Variants in LUZP2 observed in about 807,000 individuals in gnomAD.
LUZP2 encodes leucine zipper protein 2.
In LUZP2, 52 loss-of-function variants were observed where a neutral mutation model predicts 51.6. The ratio of observed to expected loss-of-function variants is 1.01; its 90% CI spans 0.81 to 1.27. The LOEUF (loss-of-function observed/expected upper bound fraction) is 1.27, where lower values mean the gene tolerates loss of function less well. LUZP2 is among the 50% of genes most tolerant of loss of function. The probability of loss-of-function intolerance (pLI) is 0.00; values close to 1 mark genes in which losing one functional copy is unlikely to be tolerated. For synonymous variants in LUZP2, 154 were observed against 137.3 expected (o/e 1.12, Z -0.85); for missense variants, 436 against 395.4 (o/e 1.10, Z -0.87).
intron 3 of LUZP2, among the ~76,000 whole-genome samples, chr11:24,736,438 T>G (rs1371583251): frequency 1.3e-5 from 2 of 151,906 alleles, no homozygotes; most frequent in Admixed American, 1.3e-4. Context: ...CAGTGCTTGT[T>G]GAAGATTTGA....
At chr11:24,660,510 T>C (rs1855981943) in intron 1 of LUZP2, among the ~76,000 whole-genome samples, 2 of 152,168 alleles carry the variant, frequency 1.3e-5, no homozygotes, top group Admixed American at 6.6e-5. Context: ...AAAATAATGA[T>C]ATAATTTTTC....
chr11:24,767,430 T>G (rs1392705619), intron 5 of LUZP2, among the ~76,000 whole-genome samples: 1 of 152,212 alleles, frequency 6.6e-6, no homozygotes, highest in Non-Finnish European at 1.5e-5. Flanking sequence ...TGGAAGGTTT[T>G]TATGTGACTA....
intron 1 of LUZP2, among the ~76,000 whole-genome samples, chr11:24,540,765 CCAG>C (rs1254360450): frequency 6.6e-6 from 1 of 151,948 alleles, no homozygotes; most frequent in African/African-American, 2.4e-5. Flanking sequence ...TATTCAGCCA[CCAG>C]CAGTATCTTT....
intron 5 of LUZP2, among the ~76,000 whole-genome samples, chr11:24,882,386 C>A (rs1460633309): frequency 1.4e-5 from 2 of 142,372 alleles, no homozygotes; most frequent in Admixed American, 1.3e-4. Context: ...ATCTTCTTCA[C>A]TCAACATCCC....
chr11:25,068,537 T>C (rs1859061386), intron 10 of LUZP2, among the ~76,000 whole-genome samples: 1 of 151,884 alleles, frequency 6.6e-6, no homozygotes, highest in African/African-American at 2.4e-5. Flanking sequence ...AGAGGGATGC[T>C]TATAAAAATC....
intron 1 of LUZP2, among the ~76,000 whole-genome samples, chr11:24,567,014 A>ATT (rs201485027): frequency 2.2e-5 from 3 of 134,586 alleles, no homozygotes; most frequent in Non-Finnish European, 3.2e-5. Context: ...ATATATATAT[A>ATT]TTTTTTTTAG....
chr11:24,585,323 A>G (rs1279860777), intron 1 of LUZP2, among the ~76,000 whole-genome samples: 1 of 152,168 alleles, frequency 6.6e-6, no homozygotes, highest in Admixed American at 6.6e-5. Flanking sequence ...ATGAAACTGT[A>G]TTTGACTGGA....
intron 1 of LUZP2, among the ~76,000 whole-genome samples, chr11:24,643,559 T>G (rs1855373140): frequency 1.3e-5 from 2 of 152,150 alleles, no homozygotes; most frequent in Admixed American, 1.3e-4. Context: ...CTTTAAAACT[T>G]CTTCCTGCTT....
At chr11:25,069,743 A>T (rs1376997423) in intron 10 of LUZP2, among the ~76,000 whole-genome samples, 2 of 151,908 alleles carry the variant, frequency 1.3e-5, no homozygotes, top group East Asian at 3.9e-4. Context: ...GCTGGCAAAC[A>T]ATTATACTTG....
At chr11:24,973,459 T>C (rs1038921695) in intron 7 of LUZP2, among the ~76,000 whole-genome samples, 3 of 151,308 alleles carry the variant, frequency 2.0e-5, no homozygotes, top group Non-Finnish European at 3.0e-5. Context: ...GCTTTGATCT[T>C]GTTATTTCTT....
intron 9 of LUZP2, among the ~76,000 whole-genome samples, chr11:25,031,564 A>T (rs1857687684): frequency 6.6e-6 from 1 of 151,662 alleles, no homozygotes; most frequent in Non-Finnish European, 1.5e-5. Context: ...CAAATTGTTA[A>T]TTTTTCTGTT....
At chr11:24,627,754 T>TAG (rs1854733060) in intron 1 of LUZP2, among the ~76,000 whole-genome samples, 1 of 152,132 alleles carries the variant, frequency 6.6e-6, no homozygotes, top group Non-Finnish European at 1.5e-5. Context: ...AGACAGACTT[T>TAG]AGAATAAGGT....
intron 7 of LUZP2, among the ~76,000 whole-genome samples, chr11:24,922,005 G>C (rs549378419): frequency 6.6e-6 from 1 of 152,200 alleles, no homozygotes; most frequent in East Asian, 1.9e-4. Flanking sequence ...CATGTTACCT[G>C]TAAAGCATTT....
intron 1 of LUZP2, among the ~76,000 whole-genome samples, chr11:24,675,811 A>ATTTG (rs372705200): frequency 0.4 from 58,390 of 147,742 alleles, 12,016 homozygotes; most frequent in East Asian, 0.58. Flanking sequence ...TTATTTATTT[A>ATTTG]TTTATTTATT....
intron 1 of LUZP2, among the ~76,000 whole-genome samples, chr11:24,602,204 A>G (rs1590228433): frequency 3.8e-5 from 3 of 78,258 alleles, no homozygotes; most frequent in South Asian, 4.2e-4. Context: ...ATGTACATAT[A>G]TGTGTATATA....
At chr11:24,671,999 G>C (rs1365212535) in intron 1 of LUZP2, among the ~76,000 whole-genome samples, 1 of 152,056 alleles carries the variant, frequency 6.6e-6, no homozygotes, top group Non-Finnish European at 1.5e-5. Context: ...GACAATAAAT[G>C]TAGTGAGGGA....
intron 5 of LUZP2, among the ~76,000 whole-genome samples, chr11:24,804,390 C>T (rs1849790769): frequency 6.6e-6 from 1 of 152,010 alleles, no homozygotes; most frequent in African/African-American, 2.4e-5. Context: ...TGGCAGCTAC[C>T]CCTATAATAA....
At chr11:24,984,441 G>A (rs1856127618) in intron 9 of LUZP2, among the ~76,000 whole-genome samples, 1 of 145,740 alleles carries the variant, frequency 6.9e-6, no homozygotes, top group Non-Finnish European at 1.5e-5. Flanking sequence ...TAATATTAAT[G>A]TTTCTCTTTT....
chr11:24,787,534 A>G (rs914832212), intron 5 of LUZP2, among the ~76,000 whole-genome samples: 5 of 152,138 alleles, frequency 3.3e-5, no homozygotes, highest in African/African-American at 1.2e-4. Flanking sequence ...TTTCATTTAT[A>G]CCTAGTAAAG....
Sources: allele counts gnomAD v4.1 joint callset (sites outside exome capture counted in the v4.1 genomes callset), GRCh38; gene constraint gnomAD v4.1.1; transcripts MANE v1.5; gene names NCBI Gene and HGNC (gene_info 2026-07-23, HGNC 2026-07-21).